The following RYR1 variants were observed in gnomAD, a reference collection of about 807,000 sequenced individuals.
RYR1 encodes the protein central core disease of muscle.
Under a neutral mutation model 583.5 loss-of-function variants are expected in RYR1, and 342 were observed. That is an observed-to-expected ratio of 0.59 (90% CI 0.54 to 0.64). The LOEUF (loss-of-function observed/expected upper bound fraction) is 0.64. Among genes scored for constraint, RYR1 ranks in the 30% least tolerant of loss-of-function variants. The pLI, the probability that RYR1 is intolerant of heterozygous loss-of-function variation, is 0.00. For missense variants in RYR1, 6,032 were observed against 6,917.2 expected (o/e 0.87, Z 4.54); for synonymous variants, 2,791 against 2,822.5 (o/e 0.99, Z 0.35).
In RYR1 at chr19:38,564,904, G is replaced by A. The variant is rs796138117; in HGVS notation, c.12625-55G>A. On this transcript the variant is annotated intron_variant, in intron 90 of 105. Transcript: ENST00000359596. ...TTGTAGCTGCCACTGCGCTGTCGCTGCTGTCCGAGCCCCCGCTGACGGCGC... is the reference window on the plus strand; with the variant it reads ...TTGTAGCTGCCACTGCGCTGTCGCTACTGTCCGAGCCCCCGCTGACGGCGC... The A allele has an allele frequency of 3.2e-6, 5 of 1,540,454 alleles. No individual in the cohort carries two copies. In the African/African-American group the frequency reaches 5.5e-5, roughly 17 times the overall value.
At chr19:38,573,682 T>G (rs1973829224) in intron 96 of RYR1, among the ~76,000 whole-genome samples, 1 of 149,690 alleles carries the variant, frequency 6.7e-6, no homozygotes, top group Non-Finnish European at 1.5e-5. Flanking sequence ...TTCCACCCCC[T>G]TCCCCCCAGA....
At chr19:38,531,101 T>C (rs1971720128) in intron 76 of RYR1, among the ~76,000 whole-genome samples, 1 of 151,490 alleles carries the variant, frequency 6.6e-6, no homozygotes, top group Non-Finnish European at 1.5e-5. Context: ...CCCAAAGTGC[T>C]GGGATTACAG....
intron 89 of RYR1, among the ~76,000 whole-genome samples, chr19:38,550,957 T>C (rs1472652980): frequency 6.6e-6 from 1 of 151,526 alleles, no homozygotes; most frequent in Non-Finnish European, 1.5e-5. Flanking sequence ...AGAAAGAGTG[T>C]TTCCTTCTTG....
chr19:38,561,878 G>A lies in RYR1; in HGVS notation c.12624+424G>A, dbSNP rs548455641. 4.6e-5 allele frequency among the ~76,000 whole-genome samples: 7 copies of A among 152,198 alleles called. No homozygotes were observed. In the South Asian group the frequency reaches 6.2e-4, roughly 14 times the overall value. ...CCTTCCCAGTAGCCCCCGGCGTGCC[G>A]TCTCTTGGTCCTGGCCCGCTCATGC... On this transcript the variant is annotated intron_variant, in intron 90 of 105. Coordinates refer to ENST00000359596, the MANE Select transcript of RYR1 (RefSeq NM_000540.3). This position sits in a 1 kb window ranked among gnomAD's most constrained non-coding sequence, Gnocchi z 4.8.
chr19:38,567,818 GC>G lies in RYR1; in HGVS notation c.13566del (p.Lys4523ArgfsTer28), dbSNP rs1973515186. 1 of 1,614,006 alleles carries G rather than the reference GC, an allele frequency of 6.2e-7. No homozygotes were observed. Among genetic ancestry groups the G allele is most frequent in the Non-Finnish European group, 8.5e-7 (1 of 1,179,992 alleles). ...KEEVPEPTPE[P>X]PKKQAPPSPP... ...AAGAAGTTCCCGAGCCCACACCAGA[GC>G]CCCCCAAGAAGCAAGCACCTCCCTC... is the stretch of plus-strand genomic sequence containing the variant. On this transcript the variant is annotated frameshift_variant, in exon 93 of 106. Transcript: ENST00000359596. LOFTEE classifies it high-confidence loss of function.
At chr19:38,447,961 T>A (rs927959889) in intron 9 of RYR1, among the ~76,000 whole-genome samples, 8 of 147,020 alleles carry the variant, frequency 5.4e-5, no homozygotes, top group African/African-American at 1.5e-4. Context: ...AGTAAAATGA[T>A]GGGGGAATTT....
intron 26 of RYR1, 36 bp downstream of exon 26, chr19:38,469,176 T>A (rs973485729): frequency 2.2e-5 from 35 of 1,613,444 alleles, no homozygotes; most frequent in Non-Finnish European, 3.0e-5. Context: ...CCCTTTCTTG[T>A]TTTCCTCTGT....
At chr19:38,465,756 C>T (rs1968062508) in intron 23 of RYR1, among the ~76,000 whole-genome samples, 1 of 151,750 alleles carries the variant, frequency 6.6e-6, no homozygotes, top group Admixed American at 6.6e-5. Context: ...AAGAGTGAAA[C>T]TCCGTATCAA....
chr19:38,541,925 C>G (rs955452775), intron 84 of RYR1, among the ~76,000 whole-genome samples: 4 of 151,470 alleles, frequency 2.6e-5, no homozygotes, highest in African/African-American at 9.7e-5. Flanking sequence ...AAAAATTGGC[C>G]GGATGTGGTG....
At position 38,455,204 on chromosome 19, in the gene RYR1, A is replaced by G. The variant is rs144623798; in HGVS notation, c.1441-31A>G. ...AAGGAAGGGAGGGCCTGGGTCTCCT[A>G]TTGTGATGCCTCTTATTTTCCTCAT... On this transcript the variant is annotated intron_variant, in intron 13 of 105. Transcript: ENST00000359596. 219 of 1,613,332 alleles carry G rather than the reference A, an allele frequency of 1.4e-4. No individual in the cohort carries two copies. The African/African-American group carries it at 2.7e-3, about 20-fold the overall frequency.
chr19:38,522,869 T>G (rs1271133791), intron 67 of RYR1, among the ~76,000 whole-genome samples, 159 bp from the exon 68 acceptor site: 1 of 151,886 alleles, frequency 6.6e-6, no homozygotes, highest in Non-Finnish European at 1.5e-5. Context: ...GAAAAAAAAT[T>G]TTTTTAATGT....
chr19:38,543,301 C>T lies in RYR1; in HGVS notation c.11690-46C>T, dbSNP rs750456160. Reference sequence around the variant, plus strand: ...AATAAATGACCCACTGTTCATCTCCCCTAGCACATGGGAGGTGCTGGATAA... The same window carrying T: ...AATAAATGACCCACTGTTCATCTCCTCTAGCACATGGGAGGTGCTGGATAA... On this transcript the variant is annotated intron_variant, in intron 84 of 105. Transcript: ENST00000359596. This position sits in a 1 kb window ranked among gnomAD's most constrained non-coding sequence, Gnocchi z 4.4. 3 of 1,520,996 alleles carry T rather than the reference C, an allele frequency of 2.0e-6. No homozygotes were observed. Among genetic ancestry groups the T allele is most frequent in the Admixed American group, 1.7e-5 (1 of 59,888 alleles). 94.2% of individuals were successfully genotyped at this position (1,520,996 alleles called of 1,614,324 possible).
Position 38,438,650 on chromosome 19 carries a change from G to A in RYR1, c.46-2095G>A, listed in dbSNP as rs368954316. Among the ~76,000 whole-genome samples the A allele has an allele frequency of 7.5e-3, 841 of 111,936 alleles. 6 individuals carry two copies. Among genetic ancestry groups the A allele is most frequent in the Middle Eastern group, 0.023 (3 of 130 alleles). 73.4% of individuals were successfully genotyped at this position (111,936 alleles called of 152,430 possible). ...TTTTTTTTTTTTGAGATGGAGTCTCGCTCTGTCACCCAGGCTCGAGTTCAG... is the reference window on the plus strand; with the variant it reads ...TTTTTTTTTTTTGAGATGGAGTCTCACTCTGTCACCCAGGCTCGAGTTCAG... On this transcript the variant is annotated intron_variant, in intron 1 of 105. Transcript: ENST00000359596.
intron 76 of RYR1, among the ~76,000 whole-genome samples, chr19:38,530,245 C>T (rs1162853108): frequency 6.6e-6 from 1 of 151,916 alleles, no homozygotes; most frequent in Non-Finnish European, 1.5e-5. Flanking sequence ...TGAGCCACTG[C>T]ACCTGGCCTA....
chr19:38,537,312 G>T (rs1011531433), intron 83 of RYR1, among the ~76,000 whole-genome samples: 1 of 152,076 alleles, frequency 6.6e-6, no homozygotes, highest in Non-Finnish European at 1.5e-5. Context: ...CGCCCACCAT[G>T]ATTTGCTTCT....
chr19:38,463,151 C>G (rs867287835), intron 20 of RYR1, among the ~76,000 whole-genome samples: 55 of 69,842 alleles, frequency 7.9e-4, no homozygotes, highest in Non-Finnish European at 1.1e-3. Context: ...GCCCCCCCCC[C>G]CCCCACTTAG....
intron 58 of RYR1, 95 bp downstream of exon 58, chr19:38,507,922 C>T: frequency 1.3e-6 from 1 of 761,096 alleles, no homozygotes; most frequent in Admixed American, 1.9e-5. Context: ...TGCACTCAAT[C>T]CGTCCTCCCC....
chr19:38,523,088 G>A lies in RYR1; in HGVS notation c.10320G>A (p.Glu3440=). The A allele has an allele frequency of 6.2e-7, 1 of 1,612,830 alleles. No individual in the cohort carries two copies. The highest frequency in any genetic ancestry group is 8.5e-7 in the Non-Finnish European group (1 of 1,179,864). Residue 3440 remains glutamate (E), a synonymous_variant, in exon 68 of 106, where the codon GAG becomes GAA. Transcript: ENST00000359596. ...SAEELFRMVG[E]IFIYWSKSHN... is the part of the protein sequence containing the mutation. ...AGGAGCTGTTCAGGATGGTGGGCGA[G>A]ATCTTCATCTACTGGTCCAAGTCCC...
chr19:38,567,050 C>T, intron 92 of RYR1, 63 bp downstream of exon 92: 2 of 1,547,926 alleles, frequency 1.3e-6, no homozygotes, highest in Non-Finnish European at 1.7e-6. Flanking sequence ...GAGTAGGAGC[C>T]TCCAGAGGTC....
Sources: allele counts gnomAD v4.1 joint callset (sites outside exome capture counted in the v4.1 genomes callset), GRCh38; gene constraint gnomAD v4.1.1; non-coding constraint Gnocchi (gnomAD v3.1); transcripts MANE v1.5; gene names NCBI Gene and HGNC (gene_info 2026-07-23, HGNC 2026-07-21).